The following FSD1L variants were observed in gnomAD, a reference collection of about 807,000 sequenced individuals.
FSD1L encodes fibronectin type III and SPRY domain containing 1 like, also known as FSD1-like protein.
Under a neutral mutation model 71.6 loss-of-function variants are expected in FSD1L, and 45 were observed. The observed-to-expected ratio is 0.63, with a 90% CI of 0.49 to 0.81. FSD1L has a LOEUF of 0.81. FSD1L is among the 30% of genes least tolerant of loss of function. FSD1L has a pLI of 0.00. For missense variants in FSD1L, 561 were observed against 618.1 expected (o/e 0.91, Z 0.98); for synonymous variants, 197 against 207.2 (o/e 0.95, Z 0.42).
At chr9:105,474,889 C>G (rs576783747) in intron 5 of FSD1L, among the ~76,000 whole-genome samples, 9 of 152,270 alleles carry the variant, frequency 5.9e-5, no homozygotes, top group Admixed American at 3.3e-4. Flanking sequence ...TAAACAAATA[C>G]AAATAGCACA....
intron 7 of FSD1L, among the ~76,000 whole-genome samples, chr9:105,495,594 G>A (rs1365626993): frequency 2.6e-5 from 4 of 152,240 alleles, no homozygotes; most frequent in Non-Finnish European, 5.9e-5. Flanking sequence ...CTTCTGCGTA[G>A]CTCACGCTGG....
chr9:105,508,847 A>G, intron 9 of FSD1L, 132 bp downstream of exon 9: 1 of 548,918 alleles, frequency 1.8e-6, no homozygotes, highest in Non-Finnish European at 3.2e-6. Context: ...CTTTCTCAAC[A>G]GTAAGAATTT....
intron 12 of FSD1L, among the ~76,000 whole-genome samples, chr9:105,538,279 T>A (rs137953910): frequency 7.0e-4 from 107 of 152,320 alleles, no homozygotes; most frequent in African/African-American, 2.4e-3. Flanking sequence ...AACTTCGAGA[T>A]CAAAGTACTG....
At chr9:105,490,328 C>T (rs1832840275) in intron 7 of FSD1L, among the ~76,000 whole-genome samples, 1 of 152,010 alleles carries the variant, frequency 6.6e-6, no homozygotes, top group Non-Finnish European at 1.5e-5. Flanking sequence ...TGTTCATGTC[C>T]TTCGCCCACT....
chr9:105,513,532 T>G, intron 10 of FSD1L: 1 of 1,335,224 alleles, frequency 7.5e-7, no homozygotes, highest in Non-Finnish European at 1.0e-6. Flanking sequence ...TAATCTGATT[T>G]CATTATAAGC....
rs555345664 is a variant in FSD1L at position 105,471,965 on chromosome 9, C to T, written c.401C>T (p.Thr134Ile). Residue 134 changes from threonine (T) to isoleucine (I), a missense_variant, in exon 5 of 14, where the codon ACA becomes ATA. Around this residue, in one of 3 missense-constraint regions of FSD1L, gnomAD observed 410 missense variants for 413.5 expected, o/e 0.99. Transcript: ENST00000481272. ...TCTGAAGAACTATTAGAATTTGCAA[C>T]AAGGTCATTAGATATAAAGGAACCT... ...ENSEELLEFATRSLDIKEPEE... is the reference protein window; with the variant it reads ...ENSEELLEFAIRSLDIKEPEE... 1 of 1,426,766 alleles carries T rather than the reference C, an allele frequency of 7.0e-7. No individual in the cohort carries two copies. The highest frequency in any genetic ancestry group is 1.5e-5 in the African/African-American group (1 of 65,166). The allele number at this position is 1,426,766 out of a possible 1,614,324, so 88.4% of individuals were successfully genotyped here.
intron 7 of FSD1L, among the ~76,000 whole-genome samples, chr9:105,493,370 C>G (rs1268560438): frequency 6.6e-6 from 1 of 152,068 alleles, no homozygotes; most frequent in Non-Finnish European, 1.5e-5. Context: ...TTCCTCCATC[C>G]TTTTATTTTG....
At chr9:105,492,372 A>T (rs929409186) in intron 7 of FSD1L, among the ~76,000 whole-genome samples, 1 of 151,894 alleles carries the variant, frequency 6.6e-6, no homozygotes, top group Non-Finnish European at 1.5e-5. Context: ...TATTGTGTCT[A>T]TTTGATTCTT....
In FSD1L at chr9:105,463,217, G is replaced by A. The variant is rs144053609; in HGVS notation, c.112-1019G>A. On this transcript the variant is annotated intron_variant, in intron 2 of 13. Coordinates refer to ENST00000481272, the MANE Select transcript of FSD1L (RefSeq NM_001145313.3). ...GGCTCCTTATCTATAACCCTTTGTC[G>A]ATATCTGATTATATTTTTTAGGAAA... 9.4e-3 allele frequency among the ~76,000 whole-genome samples: 1,427 copies of A among 151,940 alleles called. 22 individuals are homozygous for A. Among genetic ancestry groups the A allele is most frequent in the African/African-American group, 0.033 (1,347 of 41,440 alleles).
chr9:105,487,984 G>A (rs1327751853), intron 7 of FSD1L, among the ~76,000 whole-genome samples: 1 of 152,124 alleles, frequency 6.6e-6, no homozygotes, highest in Non-Finnish European at 1.5e-5. Flanking sequence ...TCCCACCAGA[G>A]TGGTATATTT....
intron 10 of FSD1L, among the ~76,000 whole-genome samples, chr9:105,529,165 TTGG>T (rs1475154060): frequency 6.6e-6 from 1 of 152,172 alleles, no homozygotes; most frequent in Admixed American, 6.5e-5. Context: ...TTCTACACTG[TTGG>T]TGGGAGTGTA....
chr9:105,507,876 G>C (rs1296557631), intron 8 of FSD1L, among the ~76,000 whole-genome samples: 2 of 144,030 alleles, frequency 1.4e-5, no homozygotes, highest in Admixed American at 1.5e-4. Flanking sequence ...CTTATTTTGA[G>C]CATATCACTC....
chr9:105,535,055 G>T lies in FSD1L; in HGVS notation c.1127-12G>T. 6.4e-7 allele frequency: 1 copy of T among 1,551,320 alleles called. No individual in the cohort carries two copies. The highest frequency in any genetic ancestry group is 1.2e-5 in the South Asian group (1 of 84,022). On this transcript the variant is annotated splice_polypyrimidine_tract_variant and intron_variant, in intron 11 of 13. Coordinates refer to ENST00000481272, the MANE Select transcript of FSD1L (RefSeq NM_001145313.3). ...AGAGATGAGTCAAATCTACCTTTCT[G>T]ATCTTTTGTAGGAGACACTGCTATT...
intron 12 of FSD1L, among the ~76,000 whole-genome samples, chr9:105,538,956 A>T (rs12352975): frequency 0.13 from 19,336 of 152,110 alleles, 1,604 homozygotes; most frequent in East Asian, 0.46. Context: ...CTTGGTTTAC[A>T]CTGGGCTAAT....
At chr9:105,463,794 A>C (rs1275148702) in intron 2 of FSD1L, among the ~76,000 whole-genome samples, 1 of 152,330 alleles carries the variant, frequency 6.6e-6, no homozygotes, top group East Asian at 1.9e-4. Flanking sequence ...CTAGTTTCAT[A>C]TCTCTAAAAT....
At chr9:105,542,055 G>A (rs1253695559) in intron 13 of FSD1L, among the ~76,000 whole-genome samples, 8 of 152,122 alleles carry the variant, frequency 5.3e-5, no homozygotes, top group Non-Finnish European at 8.8e-5. Context: ...CCAGTTTGGG[G>A]CAGTTATGAA....
intron 10 of FSD1L, chr9:105,523,258 C>A (rs1835297384): frequency 4.4e-6 from 7 of 1,606,290 alleles, no homozygotes; most frequent in East Asian, 2.2e-5. Flanking sequence ...AGGTCACAGA[C>A]TCCTTCCCCT....
At chr9:105,452,685 T>TGCCTG (rs1830107571) in intron 1 of FSD1L, among the ~76,000 whole-genome samples, 1 of 139,528 alleles carries the variant, frequency 7.2e-6, no homozygotes, top group African/African-American at 3.0e-5. Flanking sequence ...CTTCCTTCCT[T>TGCCTG]CCTTCCTTCC....
chr9:105,525,553 C>G, intron 10 of FSD1L: 1 of 1,612,072 alleles, frequency 6.2e-7, no homozygotes, highest in Admixed American at 1.7e-5. Context: ...CAGATTGCTT[C>G]TTAGTATATT....
Sources: gnomAD v4.1 joint callset for allele counts (sites outside exome capture counted in the v4.1 genomes callset) on GRCh38, gnomAD v4.1.1 for gene constraint, gnomAD v4.1.1 regional missense constraint, MANE v1.5 for transcripts, NCBI Gene and HGNC (gene_info 2026-07-23, HGNC 2026-07-21) for gene names.